IKBKB-DT: variants seen among roughly 807,000 people sequenced by gnomAD.
IKBKB-DT encodes IKBKB antisense RNA.
chr8:42,246,441 G>A (rs1461027500), intron 3 of IKBKB-DT, among the ~76,000 whole-genome samples: 1 of 152,078 alleles, frequency 6.6e-6, no homozygotes, highest in East Asian at 1.9e-4. Flanking sequence ...TATTGCTCTG[G>A]TTCCCTTCTC....
At chr8:42,235,399 T>C (rs1488139448) in intron 3 of IKBKB-DT, among the ~76,000 whole-genome samples, 2 of 151,996 alleles carry the variant, frequency 1.3e-5, no homozygotes, top group Non-Finnish European at 2.9e-5. Context: ...AGAGTCAGGG[T>C]TTCTCTATGT....
intron 3 of IKBKB-DT, among the ~76,000 whole-genome samples, chr8:42,246,906 T>A (rs1807071800): frequency 6.6e-6 from 1 of 151,906 alleles, no homozygotes; most frequent in East Asian, 1.9e-4. Flanking sequence ...CATCAGGCAT[T>A]AGTTAGATTA....
intron 3 of IKBKB-DT, among the ~76,000 whole-genome samples, chr8:42,261,825 C>G (rs987015663): frequency 6.6e-6 from 1 of 152,206 alleles, no homozygotes; most frequent in Non-Finnish European, 1.5e-5. Flanking sequence ...GCAGCCCACA[C>G]TTCTCTTTCT....
Position 42,257,958 on chromosome 8 carries a change from T to C in IKBKB-DT, n.1529+5371A>G, listed in dbSNP as rs549169757. Among the ~76,000 whole-genome samples, 3 of 151,888 alleles carry C rather than the reference T, an allele frequency of 2.0e-5. No homozygotes were observed. In the East Asian group the frequency reaches 5.8e-4, roughly 29 times the overall value. ...TTTTTTTTTTTTAGCTTAGCTCTTT[T>C]AACAGAGAAGACTGAGTCTTCTTAA... On this transcript the variant is annotated intron_variant and non_coding_transcript_variant, in intron 3 of 3. Coordinates refer to ENST00000518213, the Ensembl canonical transcript of IKBKB-DT.
At chr8:42,260,133 C>T (rs1807264614) in intron 3 of IKBKB-DT, among the ~76,000 whole-genome samples, 1 of 151,936 alleles carries the variant, frequency 6.6e-6, no homozygotes, top group Non-Finnish European at 1.5e-5. Context: ...CCCAAAGAAG[C>T]CAGTAAAGTC....
In IKBKB-DT at chr8:42,271,139, T is replaced by C. The variant is rs929391098; in HGVS notation, n.115A>G. On this transcript the variant is annotated non_coding_transcript_exon_variant, in exon 1 of 4. Coordinates refer to ENST00000518213, the Ensembl canonical transcript of IKBKB-DT. ...TTCTTTTAAATCGGTGAGCACGGTC[T>C]GTCTACTTTCCCTCAGTTGTCTAGA... is the stretch of plus-strand genomic sequence containing the variant. 2.2e-5 allele frequency: 12 copies of C among 538,772 alleles called. 1 individual carries two copies. The highest frequency in any genetic ancestry group is 9.8e-4 in the Middle Eastern group (2 of 2,038). The allele number at this position is 538,772 out of a possible 1,614,324, so 33.4% of individuals were successfully genotyped here.
chr8:42,265,323 G>A (rs1312706913), intron 2 of IKBKB-DT, among the ~76,000 whole-genome samples: 1 of 152,152 alleles, frequency 6.6e-6, no homozygotes, highest in East Asian at 1.9e-4. Flanking sequence ...TTCTGCTTTC[G>A]GAGTTGCTTC....
chr8:42,269,440 C>CGAGAG (rs1807450511), intron 1 of IKBKB-DT, among the ~76,000 whole-genome samples: 1 of 17,056 alleles, frequency 5.9e-5, no homozygotes, highest in Non-Finnish European at 9.8e-5. Context: ...GGAGGGGAAG[C>CGAGAG]GAGGGGAGGG....
At chr8:42,238,293 T>A (rs1369633840) in intron 3 of IKBKB-DT, among the ~76,000 whole-genome samples, 1 of 152,198 alleles carries the variant, frequency 6.6e-6, no homozygotes, top group Non-Finnish European at 1.5e-5. Context: ...CTAGCCTGGC[T>A]GGGTCCATCT....
intron 3 of IKBKB-DT, among the ~76,000 whole-genome samples, chr8:42,254,928 G>T (rs967020042): frequency 2.1e-5 from 3 of 145,414 alleles, no homozygotes; most frequent in African/African-American, 7.8e-5. Context: ...CCCAGCTTCT[G>T]CCCTGTCTGG....
chr8:42,239,004 G>GT (rs369300866), intron 3 of IKBKB-DT, among the ~76,000 whole-genome samples: 148 of 152,204 alleles, frequency 9.7e-4, no homozygotes, highest in African/African-American at 3.3e-3. Flanking sequence ...CTGTGAATTG[G>GT]TTTTTTCTGT....
At chr8:42,267,766 G>C (rs1237567814) in intron 1 of IKBKB-DT, among the ~76,000 whole-genome samples, 1 of 152,208 alleles carries the variant, frequency 6.6e-6, no homozygotes, top group Non-Finnish European at 1.5e-5. Flanking sequence ...GATGCAGGCA[G>C]AGATAGCTAA....
exon 1 of IKBKB-DT, chr8:42,270,861 A>G: frequency 6.4e-6 from 1 of 157,458 alleles, no homozygotes. Flanking sequence ...CTGAGGAGTC[A>G]GCTGTGATTG....
At chr8:42,239,695 G>A (rs557720670) in intron 3 of IKBKB-DT, among the ~76,000 whole-genome samples, 61 of 134,466 alleles carry the variant, frequency 4.5e-4, no homozygotes, top group African/African-American at 1.6e-3. Flanking sequence ...GCCGAGGCTA[G>A]AGTGCAATGG....
intron 1 of IKBKB-DT, among the ~76,000 whole-genome samples, chr8:42,268,532 A>C (rs1166387471): frequency 6.6e-6 from 1 of 151,730 alleles, no homozygotes; most frequent in Non-Finnish European, 1.5e-5. Flanking sequence ...CGGCCTTCCA[A>C]AGTGCTGAGA....
At chr8:42,245,686 A>G (rs1807055038) in intron 3 of IKBKB-DT, among the ~76,000 whole-genome samples, 2 of 152,212 alleles carry the variant, frequency 1.3e-5, no homozygotes, top group South Asian at 4.1e-4. Flanking sequence ...TCAGAAAGGA[A>G]AGACAGCCCT....
intron 3 of IKBKB-DT, among the ~76,000 whole-genome samples, chr8:42,254,378 C>T (rs1807167137): frequency 6.6e-6 from 1 of 152,238 alleles, no homozygotes; most frequent in Admixed American, 6.5e-5. Flanking sequence ...AGGCTCTTGG[C>T]CACTGCCCCA....
chr8:42,237,524 T>A (rs1251499788), intron 3 of IKBKB-DT, among the ~76,000 whole-genome samples: 1 of 152,142 alleles, frequency 6.6e-6, no homozygotes, highest in Non-Finnish European at 1.5e-5. Context: ...GTTTCTAGGG[T>A]TCCCTTGGTC....
intron 3 of IKBKB-DT, among the ~76,000 whole-genome samples, chr8:42,262,426 T>TTTTTTTTATTTATTTA (rs377710431): frequency 1.7e-3 from 245 of 144,362 alleles, no homozygotes; most frequent in African/African-American, 6.4e-3. Context: ...TACCACATTC[T>TTTTTTTTATTTATTTA]TTTATTTATT....
Sources: allele counts gnomAD v4.1 joint callset (sites outside exome capture counted in the v4.1 genomes callset), GRCh38; gene constraint gnomAD v4.1.1; transcripts MANE v1.5; gene names NCBI Gene and HGNC (gene_info 2026-07-23, HGNC 2026-07-21).